Variants in PRDM16 observed in about 807,000 individuals in gnomAD.
The protein encoded by PRDM16 is PR/SET domain 16.
In PRDM16, 23 loss-of-function variants were observed where a neutral mutation model predicts 110.6. That is an observed-to-expected ratio of 0.21 (90% CI 0.15 to 0.29). The LOEUF is 0.29. PRDM16 is among the 10% of genes least tolerant of loss of function. The pLI is 1.00. For synonymous variants in PRDM16, 799 were observed against 781.8 expected, an observed-to-expected ratio of 1.02 and a Z score of -0.37; for missense variants, 1,615 against 1,794.3, an observed-to-expected ratio of 0.90 and a Z score of 1.81.
chr1:3,165,074 C>T (rs1643935084), intron 1 of PRDM16, among the ~76,000 whole-genome samples: 1 of 152,256 alleles, frequency 6.6e-6, no homozygotes, highest in African/African-American at 2.4e-5. Context: ...GTAGGCCAGT[C>T]ACAGGAGCTC....
chr1:3,181,039 T>C (rs914601136), intron 1 of PRDM16, among the ~76,000 whole-genome samples: 1 of 137,030 alleles, frequency 7.3e-6, no homozygotes, highest in East Asian at 2.6e-4. Flanking sequence ...CACGCGGTCT[T>C]ACACACGCAG....
chr1:3,145,191 C>T (rs1643623016), intron 1 of PRDM16, among the ~76,000 whole-genome samples: 1 of 152,206 alleles, frequency 6.6e-6, no homozygotes, highest in African/African-American at 2.4e-5. Context: ...GCCCCCACCC[C>T]TCTTTGGGTT....
Position 3,353,396 on chromosome 1 carries a change from A to G in PRDM16, c.439-31756A>G, listed in dbSNP as rs1642532222. On this transcript the variant is annotated intron_variant, in intron 3 of 16. Coordinates refer to ENST00000270722, the MANE Select transcript of PRDM16 (RefSeq NM_022114.4). The surrounding 1 kb of genome is among the most constrained non-coding windows in gnomAD (Gnocchi z 5.4). Reference sequence around the variant, plus strand: ...CGGGGTATTTCTTGCCACATCTGAAATTGGACCCGAATGCGCATGGGGACA... The same window carrying G: ...CGGGGTATTTCTTGCCACATCTGAAGTTGGACCCGAATGCGCATGGGGACA... 1.3e-5 allele frequency among the ~76,000 whole-genome samples: 2 copies of G among 152,160 alleles called. No homozygotes were observed. The highest frequency in any genetic ancestry group is 6.5e-5 in the Admixed American group (1 of 15,290).
At chr1:3,328,153 C>T (rs1271652385) in intron 3 of PRDM16, among the ~76,000 whole-genome samples, 4 of 152,210 alleles carry the variant, frequency 2.6e-5, no homozygotes, top group Non-Finnish European at 5.9e-5. Flanking sequence ...GCCAGGCCTG[C>T]GAGAAGCTCC....
At chr1:3,130,547 G>A (rs147305801) in intron 1 of PRDM16, among the ~76,000 whole-genome samples, 5 of 152,272 alleles carry the variant, frequency 3.3e-5, no homozygotes, top group East Asian at 1.9e-4. Context: ...AGGTTTCCTC[G>A]CTGAAACATC....
At position 3,404,730 on chromosome 1, in the gene PRDM16, T is replaced by C; in HGVS notation, c.885-9T>C. The C allele has an allele frequency of 6.2e-7, 1 of 1,613,062 alleles. No individual in the cohort carries two copies. Among genetic ancestry groups the C allele is most frequent in the African/African-American group, 1.3e-5 (1 of 75,038 alleles). ...TCGGGCCCCGCAGTGAGCCTCGTCC[T>C]CTGCGCAGCCTGGAGCAGCACATGG... On this transcript the variant is annotated splice_polypyrimidine_tract_variant and intron_variant, in intron 6 of 16. Transcript: ENST00000270722.
chr1:3,412,082 G>T lies in PRDM16; in HGVS notation c.1885G>T (p.Val629Leu). 3 of 1,595,168 alleles carry T rather than the reference G, an allele frequency of 1.9e-6. No individual in the cohort carries two copies. Among genetic ancestry groups the T allele is most frequent in the Non-Finnish European group, 2.6e-6 (3 of 1,168,762 alleles). Residue 629 changes from valine (V) to leucine (L), a missense_variant, in exon 9 of 17, where the codon GTG becomes TTG. Coordinates refer to ENST00000270722, the MANE Select transcript of PRDM16 (RefSeq NM_022114.4). ...TGTGSDLDSD[V>L]DSDPDKDKGK... ...GACGGGCTCGGACCTGGACAGCGACGTGGACAGCGACCCTGACAAGGACAA... is the reference window on the plus strand; with the variant it reads ...GACGGGCTCGGACCTGGACAGCGACTTGGACAGCGACCCTGACAAGGACAA...
At chr1:3,336,925 G>A (rs924421579) in intron 3 of PRDM16, among the ~76,000 whole-genome samples, 1 of 140,842 alleles carries the variant, frequency 7.1e-6, no homozygotes, top group African/African-American at 2.7e-5. Context: ...GTGAATGCTT[G>A]TATGCACATG....
At position 3,206,084 on chromosome 1, in the gene PRDM16, AC is replaced by A. The variant is rs911618285; in HGVS notation, c.387+19611del. 8 of 152,278 alleles carry A rather than the reference AC, an allele frequency of 5.3e-5. No homozygotes were observed. Among genetic ancestry groups the A allele is most frequent in the African/African-American group, 1.7e-4 (7 of 41,456 alleles). 9.4% of individuals were successfully genotyped at this position (152,278 alleles called of 1,614,324 possible). ...CCTGCGTTCCCCATGACCGGTGCTC[AC>A]AACAGAGGTGCCCCAACTAGTACTG... On this transcript the variant is annotated intron_variant, in intron 2 of 16. Transcript: ENST00000270722. This position sits in a 1 kb window ranked among gnomAD's most constrained non-coding sequence, Gnocchi z 4.9.
rs544491220 is a variant in PRDM16 at position 3,353,325 on chromosome 1, C to A, written c.439-31827C>A. 2.6e-5 allele frequency among the ~76,000 whole-genome samples: 4 copies of A among 152,354 alleles called. No homozygotes were observed. In the East Asian group the frequency reaches 7.7e-4, roughly 29 times the overall value. ...AGCCTGGGTCCCTGCAGAAACCTGG[C>A]TCGGCCTGGGGGCTATGGCAGGGCC... On this transcript the variant is annotated intron_variant, in intron 3 of 16. Transcript: ENST00000270722. This position sits in a 1 kb window ranked among gnomAD's most constrained non-coding sequence, Gnocchi z 5.4.
In PRDM16 at chr1:3,148,073, G is replaced by A. The variant is rs1180606640; in HGVS notation, c.38-38052G>A. ...TTCAGATTCAAGTTCGGCCTTTGGCGTCTTCTCTCGGGGGCCCTCTGTCCG... is the reference window on the plus strand; with the variant it reads ...TTCAGATTCAAGTTCGGCCTTTGGCATCTTCTCTCGGGGGCCCTCTGTCCG... On this transcript the variant is annotated intron_variant, in intron 1 of 16. Coordinates refer to ENST00000270722, the MANE Select transcript of PRDM16 (RefSeq NM_022114.4). This position sits in a 1 kb window ranked among gnomAD's most constrained non-coding sequence, Gnocchi z 5.0. 1.7e-4 allele frequency among the ~76,000 whole-genome samples: 26 copies of A among 152,116 alleles called. No homozygotes were observed. The highest frequency in any genetic ancestry group is 1.1e-3 in the Admixed American group (17 of 15,286).
At chr1:3,259,673 C>G (rs965045007) in intron 3 of PRDM16, among the ~76,000 whole-genome samples, 6 of 152,312 alleles carry the variant, frequency 3.9e-5, no homozygotes, top group Admixed American at 3.9e-4. Context: ...TGCAGCGTAG[C>G]CTGCAGCCCC....
chr1:3,336,355 C>T (rs1280109193), intron 3 of PRDM16, among the ~76,000 whole-genome samples: 1 of 149,498 alleles, frequency 6.7e-6, no homozygotes. Flanking sequence ...TGTGTGTGTG[C>T]ATGTGGAGGG....
At chr1:3,426,541 C>T (rs1183093016) in intron 14 of PRDM16, among the ~76,000 whole-genome samples, 1 of 152,322 alleles carries the variant, frequency 6.6e-6, no homozygotes, top group South Asian at 2.1e-4. Context: ...GTGCCGCTGA[C>T]ACTCAAGGAC....
intron 3 of PRDM16, among the ~76,000 whole-genome samples, chr1:3,297,782 C>T (rs1020934686): frequency 6.6e-6 from 1 of 152,046 alleles, no homozygotes; most frequent in African/African-American, 2.4e-5. Flanking sequence ...AAGGGCTGCC[C>T]GATGGCAGGA....
rs951934179 is a variant in PRDM16 at position 3,175,562 on chromosome 1, C to A, written c.38-10563C>A. Among the ~76,000 whole-genome samples the A allele has an allele frequency of 6.6e-6, 1 of 152,118 alleles. No homozygotes were observed. The highest frequency in any genetic ancestry group is 1.5e-5 in the Non-Finnish European group (1 of 68,020). On this transcript the variant is annotated intron_variant, in intron 1 of 16. Transcript: ENST00000270722. The surrounding 1 kb of genome is among the most constrained non-coding windows in gnomAD (Gnocchi z 4.8). Reference sequence around the variant, plus strand: ...CTCTGACCCACTACACAGCACTCCTCCCTGCTTGGTTCTGAGAAGGAAAAG... The same window carrying A: ...CTCTGACCCACTACACAGCACTCCTACCTGCTTGGTTCTGAGAAGGAAAAG...
intron 3 of PRDM16, among the ~76,000 whole-genome samples, chr1:3,279,351 G>C (rs991709462): frequency 6.6e-6 from 1 of 152,190 alleles, no homozygotes; most frequent in African/African-American, 2.4e-5. Flanking sequence ...CTGAAACGCA[G>C]AGAGGAAGGG....
At position 3,438,568 on chromosome 1, in the gene PRDM16, T is replaced by G. The variant is rs1045876932; in HGVS notation, c.*4757T>G. The stretch of plus-strand genomic sequence containing the variant: ...ATACCAAATGTAATCTTTCCAATGC[T>G]CCAATGAATTTATACATGAGATTGA... On this transcript the variant is annotated 3_prime_UTR_variant, in exon 17 of 17. Coordinates refer to ENST00000270722, the MANE Select transcript of PRDM16 (RefSeq NM_022114.4). 8 of 195,694 alleles carry G rather than the reference T, an allele frequency of 4.1e-5. No homozygotes were observed. The East Asian group carries it at 5.6e-4, about 14-fold the overall frequency. 12.1% of individuals were successfully genotyped at this position (195,694 alleles called of 1,614,324 possible).
rs74050135 is a variant in PRDM16 at position 3,146,220 on chromosome 1, A to C, written c.38-39905A>C. ...CAACTCCTTACCCTCGGAGGGTGGA[A>C]ACGGGGGGGCCCGCTAACCAATGAA... On this transcript the variant is annotated intron_variant, in intron 1 of 16. Coordinates refer to ENST00000270722, the MANE Select transcript of PRDM16 (RefSeq NM_022114.4). Among the ~76,000 whole-genome samples the C allele has an allele frequency of 3.0e-3, 450 of 152,340 alleles. 2 individuals are homozygous for C. Among genetic ancestry groups the C allele is most frequent in the African/African-American group, 0.011 (439 of 41,580 alleles).
Sources: allele counts gnomAD v4.1 joint callset (sites outside exome capture counted in the v4.1 genomes callset), GRCh38; gene constraint gnomAD v4.1.1; non-coding constraint Gnocchi (gnomAD v3.1); transcripts MANE v1.5; gene names NCBI Gene and HGNC (gene_info 2026-07-23, HGNC 2026-07-21).